BCL2L1: variants seen among roughly 807,000 people sequenced by gnomAD.
BCL2L1 encodes the protein bcl-2-like protein 1.
Under a neutral mutation model 18.7 loss-of-function variants are expected in BCL2L1, and 1 was observed. That is an observed-to-expected ratio of 0.05 (90% CI 0.02 to 0.25). The LOEUF (loss-of-function observed/expected upper bound fraction) is 0.25, where lower values mean the gene tolerates loss of function less well. Among genes scored for constraint, BCL2L1 ranks in the 10% least tolerant of loss-of-function variants. The pLI is 1.00. For synonymous variants in BCL2L1, 103 were observed against 122.7 expected, an observed-to-expected ratio of 0.84 and a Z score of 1.06; for missense variants, 207 against 304.9, an observed-to-expected ratio of 0.68 and a Z score of 2.39.
intron 2 of BCL2L1, among the ~76,000 whole-genome samples, chr20:31,695,561 G>C (rs1290991585): frequency 1.3e-5 from 2 of 152,212 alleles, no homozygotes; most frequent in Non-Finnish European, 2.9e-5. Context: ...CAAACTCCTG[G>C]ATTTAAGCCA....
intron 2 of BCL2L1, among the ~76,000 whole-genome samples, chr20:31,668,885 A>G (rs1036979348): frequency 1.3e-5 from 2 of 151,830 alleles, no homozygotes; most frequent in East Asian, 1.9e-4. Context: ...GATTACAGGC[A>G]TGAGCCACCA....
chr20:31,711,733 G>A (rs550500179), intron 2 of BCL2L1, among the ~76,000 whole-genome samples: 16 of 152,184 alleles, frequency 1.1e-4, no homozygotes, highest in Admixed American at 2.6e-4. Context: ...GCCATTTACT[G>A]TGGGACAAGA....
At chr20:31,709,123 A>C (rs2061413112) in intron 2 of BCL2L1, among the ~76,000 whole-genome samples, 3 of 152,062 alleles carry the variant, frequency 2.0e-5, no homozygotes, top group Admixed American at 2.0e-4. Flanking sequence ...CATTAGGCCC[A>C]CCTCTACCAT....
chr20:31,670,122 G>A (rs1464166993), intron 2 of BCL2L1, among the ~76,000 whole-genome samples: 4 of 152,218 alleles, frequency 2.6e-5, no homozygotes, highest in Admixed American at 2.6e-4. Context: ...GAGAAGGAAT[G>A]TGGGAGCAGG....
intron 2 of BCL2L1, among the ~76,000 whole-genome samples, chr20:31,689,516 C>T (rs1055560505): frequency 4.6e-5 from 7 of 151,794 alleles, no homozygotes; most frequent in African/African-American, 1.5e-4. Flanking sequence ...GAAACTTAAT[C>T]CTAGAGGCAG....
At chr20:31,690,411 GATA>G (rs2061043425) in intron 2 of BCL2L1, among the ~76,000 whole-genome samples, 1 of 151,846 alleles carries the variant, frequency 6.6e-6, no homozygotes, top group Admixed American at 6.6e-5. Context: ...TTATTCTTAT[GATA>G]ATATTTAATC....
chr20:31,723,616 GC>G (rs1353946108), upstream of BCL2L1: 31 of 985,372 alleles, frequency 3.1e-5, no homozygotes, highest in South Asian at 1.4e-4. Flanking sequence ...GAGGGGCCTC[GC>G]CCCCGGCGGT....
Position 31,722,329 on chromosome 20 carries a change from T to C in BCL2L1, c.-111A>G. ...TCTAAGATCCAAAGCCAAGATAAGA[T>C]TCTGAAGGGAGAGAAAGAGCTTCAG... is the stretch of plus-strand genomic sequence containing the variant. On this transcript the variant is annotated 5_prime_UTR_variant, in exon 2 of 3. Transcript: ENST00000307677. The C allele has an allele frequency of 1.2e-6, 1 of 809,518 alleles. No individual in the cohort carries two copies. The highest frequency in any genetic ancestry group is 3.4e-5 in the South Asian group (1 of 28,996). 50.1% of individuals were successfully genotyped at this position (809,518 alleles called of 1,614,324 possible).
In BCL2L1 at chr20:31,715,792, G is replaced by A. The variant is rs2061525094; in HGVS notation, c.564+5863C>T. Reference sequence around the variant, plus strand: ...ACACTAGTAAAGGTATCTGTATTAGGAAGAGGGCTGCTCCAGACAAATTTT... The same window carrying A: ...ACACTAGTAAAGGTATCTGTATTAGAAAGAGGGCTGCTCCAGACAAATTTT... On this transcript the variant is annotated intron_variant, in intron 2 of 2. Transcript: ENST00000307677. Among the ~76,000 whole-genome samples the A allele has an allele frequency of 3.3e-5, 5 of 152,120 alleles. No homozygotes were observed. The South Asian group carries it at 1.0e-3, about 32-fold the overall frequency.
intron 2 of BCL2L1, among the ~76,000 whole-genome samples, chr20:31,698,552 T>G (rs890516068): frequency 2.6e-5 from 4 of 152,114 alleles, no homozygotes; most frequent in Non-Finnish European, 5.9e-5. Context: ...CCTTCTTTTT[T>G]TTTTTGGAGA....
chr20:31,701,343 C>T (rs1286918960), intron 2 of BCL2L1, among the ~76,000 whole-genome samples: 4 of 152,326 alleles, frequency 2.6e-5, no homozygotes, highest in East Asian at 3.9e-4. Context: ...TGAGCCACCA[C>T]GCCCGGCCTG....
At chr20:31,720,305 G>A (rs907825372) in intron 2 of BCL2L1, among the ~76,000 whole-genome samples, 4 of 152,184 alleles carry the variant, frequency 2.6e-5, no homozygotes, top group Non-Finnish European at 5.9e-5. Context: ...CCTAGGCCCA[G>A]CCTATAGACA....
intron 2 of BCL2L1, chr20:31,713,332 G>A (rs754181241): frequency 2.0e-6 from 2 of 985,382 alleles, no homozygotes; most frequent in African/African-American, 3.5e-5. Context: ...GGAGGAAAGG[G>A]TAGGGAGCAA....
intron 2 of BCL2L1, among the ~76,000 whole-genome samples, chr20:31,719,038 AC>A (rs985926917): frequency 1.3e-5 from 2 of 152,228 alleles, no homozygotes; most frequent in Non-Finnish European, 2.9e-5. Flanking sequence ...GGGGTCAGTC[AC>A]TTAGGCACAA....
chr20:31,680,681 A>G (rs1055143804), intron 2 of BCL2L1, among the ~76,000 whole-genome samples: 1 of 152,332 alleles, frequency 6.6e-6, no homozygotes, highest in Admixed American at 6.5e-5. Flanking sequence ...CATTCAACAA[A>G]TCTTCATTAA....
At chr20:31,709,475 A>C (rs1600902592) in intron 2 of BCL2L1, among the ~76,000 whole-genome samples, 1 of 151,250 alleles carries the variant, frequency 6.6e-6, no homozygotes, top group Middle Eastern at 3.2e-3. Flanking sequence ...GATTCTCCTG[A>C]CTCAGCCTCC....
At chr20:31,695,859 C>A (rs1037054168) in intron 2 of BCL2L1, among the ~76,000 whole-genome samples, 1 of 152,190 alleles carries the variant, frequency 6.6e-6, no homozygotes, top group Non-Finnish European at 1.5e-5. Flanking sequence ...ATCAGAGAGG[C>A]CTTCCTAACT....
At chr20:31,687,491 C>T (rs936091766) in intron 2 of BCL2L1, among the ~76,000 whole-genome samples, 4 of 151,360 alleles carry the variant, frequency 2.6e-5, no homozygotes, top group African/African-American at 4.9e-5. Flanking sequence ...CTGGCAAACA[C>T]GGTGAAACCC....
chr20:31,666,177 G>A (rs994493000), intron 2 of BCL2L1, 91 bp from the exon 3 acceptor site: 2 of 1,504,134 alleles, frequency 1.3e-6, no homozygotes, highest in African/African-American at 1.4e-5. Context: ...CTATGGCCTT[G>A]GTGATGTGAA....
Sources: allele counts gnomAD v4.1 joint callset (sites outside exome capture counted in the v4.1 genomes callset), GRCh38; gene constraint gnomAD v4.1.1; transcripts MANE v1.5; gene names NCBI Gene and HGNC (gene_info 2026-07-23, HGNC 2026-07-21).